The following LMOD3 variants were observed in gnomAD, a reference collection of about 807,000 sequenced individuals.
LMOD3 encodes leiomodin 3, also known as leiomodin-3.
A neutral mutation model predicts 41.8 loss-of-function variants in LMOD3; 31 were observed. That is an observed-to-expected ratio of 0.74 (90% confidence interval 0.56 to 1.00). The LOEUF is 1.00. LMOD3 is among the 50% of genes least tolerant of loss of function. The probability of loss-of-function intolerance (pLI) is 0.00; values close to 1 mark genes in which losing one functional copy is unlikely to be tolerated. For missense variants in LMOD3, 755 were observed against 679.5 expected, an observed-to-expected ratio of 1.11 and a Z score of -1.23; for synonymous variants, 292 against 241.9, an observed-to-expected ratio of 1.21 and a Z score of -1.92.
intron 2 of LMOD3, among the ~76,000 whole-genome samples, chr3:69,113,448 T>C (rs2092358242): frequency 6.6e-6 from 1 of 152,162 alleles, no homozygotes; most frequent in Non-Finnish European, 1.5e-5. Context: ...ACCTCATAAA[T>C]GAGGCAAAGA....
chr3:69,116,946 T>A (rs2092377306), intron 2 of LMOD3, among the ~76,000 whole-genome samples: 1 of 152,322 alleles, frequency 6.6e-6, no homozygotes, highest in South Asian at 2.1e-4. Flanking sequence ...AAAAGACGTC[T>A]CATCATTCTT....
At chr3:69,117,962 G>T (rs367708401) in intron 2 of LMOD3, among the ~76,000 whole-genome samples, 58 of 152,058 alleles carry the variant, frequency 3.8e-4, no homozygotes, top group African/African-American at 1.3e-3. Flanking sequence ...CTCCTGAGTA[G>T]CTGGGACTAC....
chr3:69,120,863 T>A (rs1326584209), intron 1 of LMOD3, among the ~76,000 whole-genome samples: 1 of 152,124 alleles, frequency 6.6e-6, no homozygotes, highest in Non-Finnish European at 1.5e-5. Flanking sequence ...ATCAATAATA[T>A]GTATTAGATT....
intron 2 of LMOD3, 59 bp from the exon 3 acceptor site, chr3:69,109,180 G>C: frequency 1.3e-6 from 2 of 1,534,846 alleles, no homozygotes; most frequent in Non-Finnish European, 1.8e-6. Context: ...TAAGAGCTTT[G>C]CAGCAAAATT....
intron 2 of LMOD3, among the ~76,000 whole-genome samples, chr3:69,113,246 T>C (rs1160423749): frequency 1.3e-5 from 2 of 152,212 alleles, no homozygotes; most frequent in South Asian, 2.1e-4. Flanking sequence ...GGCCTAAAAA[T>C]GAGCAGCTTG....
At position 69,108,931 on chromosome 3, in the gene LMOD3, A is replaced by G; in HGVS notation, c.*164T>C. 1.7e-6 allele frequency: 1 copy of G among 574,912 alleles called. No individual in the cohort carries two copies. Among genetic ancestry groups the G allele is most frequent in the South Asian group, 2.6e-5 (1 of 38,306 alleles). The allele number at this position is 574,912 out of a possible 1,614,324, so 35.6% of individuals were successfully genotyped here. A position where few individuals can be genotyped will look rare whatever the true frequency, so the allele number is the denominator to read the frequency against. On this transcript the variant is annotated 3_prime_UTR_variant, in exon 3 of 3. Coordinates refer to ENST00000420581, the MANE Select transcript of LMOD3 (RefSeq NM_198271.5). The stretch of plus-strand genomic sequence containing the variant: ...CTTCCTCTTCAGCCCCTACTTCTTC[A>G]TGGCCCAAACATTCTGCCTTTTACA...
chr3:69,120,068 A>G lies in LMOD3; in HGVS notation c.295-8T>C. 6.3e-7 allele frequency: 1 copy of G among 1,589,078 alleles called. No individual in the cohort carries two copies. Among genetic ancestry groups the G allele is most frequent in the African/African-American group, 1.4e-5 (1 of 73,426 alleles). On this transcript the variant is annotated splice_region_variant and splice_polypyrimidine_tract_variant and intron_variant, in intron 1 of 2. Transcript: ENST00000420581. ...CTCTTCTTGAGTCTTTTCCTACAAG[A>G]GAGGTTTATGAGGGTTAGAATACAT...
rs146887191 is a variant in LMOD3, at chr3:69,116,748, C to T, written c.1656+1951G>A. ...ACTTACCACTATATCCCCAATCCTTCTCATCTGCCTGACATATATATTTGT... is the reference window on the plus strand; with the variant it reads ...ACTTACCACTATATCCCCAATCCTTTTCATCTGCCTGACATATATATTTGT... On this transcript the variant is annotated intron_variant, in intron 2 of 2. Coordinates refer to ENST00000420581, the MANE Select transcript of LMOD3 (RefSeq NM_198271.5). 7.9e-4 allele frequency among the ~76,000 whole-genome samples: 121 copies of T among 152,276 alleles called. 1 individual carries two copies. In the East Asian group the frequency reaches 0.02, roughly 25 times the overall value.
At chr3:69,117,624 T>G (rs1013344197) in intron 2 of LMOD3, among the ~76,000 whole-genome samples, 8 of 152,198 alleles carry the variant, frequency 5.3e-5, no homozygotes, top group African/African-American at 1.7e-4. Context: ...GCAGTAATCG[T>G]GGATCATGGT....
chr3:69,118,778 G>A lies in LMOD3; in HGVS notation c.1577C>T (p.Pro526Leu). The A allele has an allele frequency of 6.2e-7, 1 of 1,611,872 alleles. No homozygotes were observed. Among genetic ancestry groups the A allele is most frequent in the Non-Finnish European group, 8.5e-7 (1 of 1,179,432 alleles). ...GGGAGTGATTTCCACCAATGGGGGT[G>A]GCCTGTTTCTCGGCACTGGCTTGAG... The part of the protein sequence containing the change: ...KTLKPVPRNR[P>L]PPLVEITPRD... The change falls in exon 2 of 3, where the codon CCA becomes CTA. Residue 526 changes from proline (P) to leucine (L), a missense_variant. Coordinates refer to ENST00000420581, the MANE Select transcript of LMOD3 (RefSeq NM_198271.5).
intron 2 of LMOD3, among the ~76,000 whole-genome samples, chr3:69,113,577 T>G (rs141169271): frequency 1.3e-4 from 20 of 152,364 alleles, no homozygotes; most frequent in Non-Finnish European, 2.2e-4. Context: ...CATGATATTA[T>G]TATACTGAAG....
Position 69,119,871 on chromosome 3 carries a change from C to T in LMOD3, c.484G>A (p.Asp162Asn), listed in dbSNP as rs551988491. ...TTCGTTTCTTCACTCTCTTCACCATCATCTTCTCCTTCGTCGTCATCATCA... is the reference window on the plus strand; with the variant it reads ...TTCGTTTCTTCACTCTCTTCACCATTATCTTCTCCTTCGTCGTCATCATCA... ...DDDDDDEGED[D>N]GEESEETNRE... The change falls in exon 2 of 3, where the codon GAT (aspartate) becomes AAT (asparagine). Residue 162 changes from aspartate (D) to asparagine (N), a missense_variant. Asp to Asn is a conservative substitution (Grantham distance 23, BLOSUM62 1). Coordinates refer to ENST00000420581, the MANE Select transcript of LMOD3 (RefSeq NM_198271.5). The T allele has an allele frequency of 5.1e-6, 8 of 1,555,330 alleles. No individual in the cohort carries two copies. In the South Asian group the frequency reaches 8.2e-5, roughly 16 times the overall value.
chr3:69,115,483 AACACACAC>A (rs10604147), intron 2 of LMOD3, among the ~76,000 whole-genome samples: 34 of 145,024 alleles, frequency 2.3e-4, no homozygotes, highest in Admixed American at 5.5e-4. Flanking sequence ...TCCTGCCTCA[AACACACAC>A]ACACACACAC....
intron 2 of LMOD3, among the ~76,000 whole-genome samples, chr3:69,116,030 G>T (rs193080130): frequency 1.7e-4 from 26 of 152,282 alleles, no homozygotes; most frequent in Admixed American, 6.5e-5. Flanking sequence ...AGTGAGACGG[G>T]TATGCAAGAA....
At position 69,120,334 on chromosome 3, in the gene LMOD3, T is replaced by C. The variant is rs113247110; in HGVS notation, c.295-274A>G. Among the ~76,000 whole-genome samples, 4,089 of 152,180 alleles carry C rather than the reference T, an allele frequency of 0.027. 151 individuals are homozygous for C. Among genetic ancestry groups the C allele is most frequent in the Non-Finnish European group, 0.029 (1,958 of 68,004 alleles). ...GTTAAAAATTGTTTTGAAAACCTCA[T>C]AGAATTGTTCATCGATACACTGAAG... On this transcript the variant is annotated intron_variant, in intron 1 of 2. Transcript: ENST00000420581.
In LMOD3 at chr3:69,108,922, T is replaced by G; in HGVS notation, c.*173A>C. On this transcript the variant is annotated 3_prime_UTR_variant, in exon 3 of 3. Coordinates refer to ENST00000420581, the MANE Select transcript of LMOD3 (RefSeq NM_198271.5). ...TCCTTCCACCTTCCTCTTCAGCCCC[T>G]ACTTCTTCATGGCCCAAACATTCTG... The G allele has an allele frequency of 1.8e-6, 1 of 549,300 alleles. No homozygotes were observed. Among genetic ancestry groups the G allele is most frequent in the East Asian group, 3.1e-5 (1 of 32,186 alleles). The allele number at this position is 549,300 out of a possible 1,614,324, so 34.0% of individuals were successfully genotyped here. A position where few individuals can be genotyped will look rare whatever the true frequency, so the allele number is the denominator to read the frequency against.
chr3:69,117,234 T>A (rs541753271), intron 2 of LMOD3, among the ~76,000 whole-genome samples: 8 of 152,180 alleles, frequency 5.3e-5, no homozygotes, highest in African/African-American at 1.9e-4. Context: ...AAATCATAGA[T>A]GAAAGTCAGC....
intron 2 of LMOD3, among the ~76,000 whole-genome samples, chr3:69,112,016 A>G (rs1213521125): frequency 2.0e-5 from 3 of 152,248 alleles, no homozygotes; most frequent in Non-Finnish European, 4.4e-5. Context: ...AGGCAGGCAC[A>G]CATTTTAATC....
intron 2 of LMOD3, among the ~76,000 whole-genome samples, chr3:69,110,911 A>T (rs2107521198): frequency 6.7e-6 from 1 of 148,404 alleles, no homozygotes; most frequent in South Asian, 2.2e-4. Flanking sequence ...AAAAATTATA[A>T]AACAACAACA....
Sources: gnomAD v4.1 joint callset for allele counts (sites outside exome capture counted in the v4.1 genomes callset) on GRCh38, gnomAD v4.1.1 for gene constraint, MANE v1.5 for transcripts, NCBI Gene and HGNC (gene_info 2026-07-23, HGNC 2026-07-21) for gene names.